Variants in GP6 observed in about 807,000 individuals in gnomAD.
GP6 encodes the protein glycoprotein VI platelet.
In GP6, 45 loss-of-function variants were observed where a neutral mutation model predicts 37.3. The observed-to-expected ratio is 1.21, with a 90% CI of 0.95 to 1.55. The LOEUF is 1.55. GP6 is among the 40% of genes most tolerant of loss of function. The pLI is 0.00. For missense variants in GP6, 813 were observed against 760.2 expected (o/e 1.07, Z -0.82); for synonymous variants, 340 against 316.4 (o/e 1.07, Z -0.79).
At chr19:55,035,429 G>T (rs955843164) in intron 1 of GP6, among the ~76,000 whole-genome samples, 2 of 152,168 alleles carry the variant, frequency 1.3e-5, no homozygotes, top group African/African-American at 4.8e-5. Flanking sequence ...GATTTTAAAT[G>T]TTCTCACCGG....
At chr19:55,025,063 C>T (rs2074252167) in intron 5 of GP6, among the ~76,000 whole-genome samples, 155 bp downstream of exon 5, 1 of 152,158 alleles carries the variant, frequency 6.6e-6, no homozygotes, top group South Asian at 2.1e-4. Context: ...AGGACACCCA[C>T]CCTGTTTACA....
At chr19:55,037,899 G>C (rs2074898111) in intron 1 of GP6, among the ~76,000 whole-genome samples, 1 of 151,994 alleles carries the variant, frequency 6.6e-6, no homozygotes, top group Admixed American at 6.6e-5. Context: ...GAGATTACAG[G>C]CGTGAGCCAC....
In GP6 at chr19:55,014,552, C is replaced by T. The variant is rs1306926748; in HGVS notation, c.1393G>A (p.Val465Ile). The change falls in exon 8 of 8, where the codon GTT becomes ATT. Residue 465 changes from valine (V) to isoleucine (I), a missense_variant. Physicochemically the swap from Val to Ile is conservative, Grantham distance 29. Coordinates refer to ENST00000310373, the MANE Select transcript of GP6 (RefSeq NM_001083899.2). ...GGAGGATTTTGCACAGAGGATGGAA[C>T]AGAGTCAACCCTGAGAGCTGGGAAC... 1.9e-6 allele frequency: 3 copies of T among 1,613,360 alleles called. No individual in the cohort carries two copies. In the African/African-American group the frequency reaches 4.0e-5, roughly 22 times the overall value.
intron 1 of GP6, among the ~76,000 whole-genome samples, chr19:55,037,524 A>G (rs2146931548): frequency 6.9e-6 from 1 of 145,930 alleles, no homozygotes; most frequent in South Asian, 2.4e-4. Flanking sequence ...TTTAGTAGAG[A>G]TGGGGTTTCT....
intron 1 of GP6, among the ~76,000 whole-genome samples, chr19:55,034,142 A>G (rs1475960274): frequency 9.3e-5 from 10 of 108,070 alleles, no homozygotes; most frequent in South Asian, 5.7e-4. Context: ...ATATGTATAT[A>G]TGTATGCATG....
At chr19:55,025,389 A>G (rs748794112) in intron 4 of GP6, 118 bp from the exon 5 acceptor site, 187 of 732,210 alleles carry the variant, frequency 2.6e-4, no homozygotes, top group Admixed American at 8.0e-4. Flanking sequence ...AGTAGCTTAC[A>G]TCACTGGACT....
intron 1 of GP6, among the ~76,000 whole-genome samples, chr19:55,033,170 G>A (rs76119396): frequency 6.8e-6 from 1 of 147,494 alleles, no homozygotes; most frequent in Admixed American, 6.8e-5. Context: ...GACGCGGTGG[G>A]TTCGTTCGTG....
intron 1 of GP6, among the ~76,000 whole-genome samples, chr19:55,033,030 GAC>G (rs2146885240): frequency 1.1e-5 from 1 of 87,276 alleles, no homozygotes; most frequent in Non-Finnish European, 2.4e-5. Context: ...GTTCGTGTTA[GAC>G]ACGGTGGACT....
intron 1 of GP6, 54 bp downstream of exon 1, chr19:55,038,149 T>C: frequency 7.2e-7 from 1 of 1,389,796 alleles, no homozygotes; most frequent in Non-Finnish European, 1.0e-6. Context: ...ATCCTTTGTC[T>C]GGCAGTCCAT....
chr19:55,028,761 C>CACGA (rs1003538807), intron 3 of GP6, among the ~76,000 whole-genome samples: 8 of 152,304 alleles, frequency 5.3e-5, no homozygotes, highest in African/African-American at 1.9e-4. Context: ...CGCTCCTAAA[C>CACGA]ACGAACCTAC....
At chr19:55,024,338 A>ACACATG in intron 5 of GP6, among the ~76,000 whole-genome samples, 1 of 18,020 alleles carries the variant, frequency 5.5e-5, no homozygotes, top group East Asian at 2.6e-3. Context: ...ATGCACGCAC[A>ACACATG]CACGCACATG....
At chr19:55,037,321 A>G (rs1056155315) in intron 1 of GP6, among the ~76,000 whole-genome samples, 7 of 146,236 alleles carry the variant, frequency 4.8e-5, no homozygotes, top group Middle Eastern at 3.5e-3. Context: ...CCTAGTCCAG[A>G]TATCAATTCC....
intron 1 of GP6, among the ~76,000 whole-genome samples, chr19:55,033,495 CGTGTTGTGTTAGACACGGTGGGCTCGTTT>C (rs1568644508): frequency 1.4e-4 from 13 of 95,216 alleles, no homozygotes; most frequent in African/African-American, 3.8e-4. Context: ...TGGGCTCGTT[CGTGTTGTGTTAGACACGGTGGGCTCGTTT>C]GTGTTGTGTT....
In GP6 at chr19:55,014,445, T is replaced by C. The variant is rs2073770819; in HGVS notation, c.1500A>G (p.Leu500=). 2 of 1,613,718 alleles carry C rather than the reference T, an allele frequency of 1.2e-6. No homozygotes were observed. Among genetic ancestry groups the C allele is most frequent in the Non-Finnish European group, 1.7e-6 (2 of 1,179,606 alleles). The change falls in exon 8 of 8, where the codon CTA becomes CTG. Residue 500 remains leucine (L), a synonymous_variant. Transcript: ENST00000310373. ...TTCTGAGAGACGAAAGGAGATTTGTTAGACCGCAGTGGGAGATGGAGTGAG... is the reference window on the plus strand; with the variant it reads ...TTCTGAGAGACGAAAGGAGATTTGTCAGACCGCAGTGGGAGATGGAGTGAG...
chr19:55,015,053 C>T lies in GP6; in HGVS notation c.892G>A (p.Ala298Thr). Residue 298 changes from alanine to threonine, a missense_variant, in exon 8 of 8, where the codon GCG (alanine) becomes ACG (threonine). Transcript: ENST00000310373. ...CAGCCCTGCCCCTGTGCCGCAGGCGCTTCCTCCGGCTGTGCCAGTCCTCTG... is the reference window on the plus strand; with the variant it reads ...CAGCCCTGCCCCTGTGCCGCAGGCGTTTCCTCCGGCTGTGCCAGTCCTCTG... 1 of 1,607,318 alleles carries T rather than the reference C, an allele frequency of 6.2e-7. No homozygotes were observed. Among genetic ancestry groups the T allele is most frequent in the Non-Finnish European group, 8.5e-7 (1 of 1,177,386 alleles).
chr19:55,023,021 G>A (rs901303193), intron 5 of GP6, among the ~76,000 whole-genome samples: 1 of 152,082 alleles, frequency 6.6e-6, no homozygotes, highest in African/African-American at 2.4e-5. Context: ...AAATTCATAT[G>A]GAACCAAAAA....
chr19:55,013,748 G>A lies in GP6; in HGVS notation c.*334C>T, dbSNP rs1173807087. The A allele has an allele frequency of 4.6e-6, 1 of 215,274 alleles. No individual in the cohort carries two copies. 13.3% of individuals were successfully genotyped at this position (215,274 alleles called of 1,614,324 possible). On this transcript the variant is annotated 3_prime_UTR_variant, in exon 8 of 8. Transcript: ENST00000310373. Reference sequence around the variant, plus strand: ...CTTCTTTATTTTAAGTAGAGATGGGGTCTCACTATGTTGCCCAGGCTGGTC... The same window carrying A: ...CTTCTTTATTTTAAGTAGAGATGGGATCTCACTATGTTGCCCAGGCTGGTC...
At chr19:55,015,259 C>A in intron 7 of GP6, 94 bp from the exon 8 acceptor site, 1 of 1,543,440 alleles carries the variant, frequency 6.5e-7, no homozygotes, top group Non-Finnish European at 8.8e-7. Context: ...TCCTATTATT[C>A]TCTACTAGCT....
chr19:55,015,526 A>G (rs1430303180), intron 7 of GP6, among the ~76,000 whole-genome samples, 157 bp downstream of exon 7: 1 of 152,084 alleles, frequency 6.6e-6, no homozygotes, highest in Non-Finnish European at 1.5e-5. Context: ...CCTGATCTTA[A>G]TGCCCAATTC....
Sources: gnomAD v4.1 joint callset for allele counts (sites outside exome capture counted in the v4.1 genomes callset) on GRCh38, gnomAD v4.1.1 for gene constraint, MANE v1.5 for transcripts, NCBI Gene and HGNC (gene_info 2026-07-23, HGNC 2026-07-21) for gene names.